Variants in PCDHGA4 observed in about 807,000 individuals in gnomAD.
PCDHGA4 encodes the protein protocadherin gamma-A4.
A neutral mutation model predicts 54.6 loss-of-function variants in PCDHGA4; 38 were observed. The observed-to-expected ratio is 0.70, with a 90% CI of 0.54 to 0.91. PCDHGA4 has a LOEUF of 0.91. Ranked by LOEUF, PCDHGA4 falls within the 40% of genes least tolerant of loss-of-function variation. The probability of loss-of-function intolerance (pLI) is 0.00; values close to 1 mark genes in which losing one functional copy is unlikely to be tolerated. For missense variants in PCDHGA4, 1,298 were observed against 1,220.9 expected (o/e 1.06, Z -0.94); for synonymous variants, 511 against 512.9 (o/e 1.00, Z 0.05).
At chr5:141,410,302 A>G (rs1332359508) in intron 1 of PCDHGA4, 1 of 1,613,356 alleles carries the variant, frequency 6.2e-7, no homozygotes, top group Non-Finnish European at 8.5e-7. Context: ...CCTTAATCTC[A>G]GTGCTCTTCC....
chr5:141,428,224 G>T, intron 1 of PCDHGA4: 1 of 1,164,316 alleles, frequency 8.6e-7, no homozygotes, highest in Non-Finnish European at 1.3e-6. Context: ...AGTCTTCGCA[G>T]ACAGCCTGCA....
At chr5:141,357,830 C>A in intron 1 of PCDHGA4, 1 of 667,688 alleles carries the variant, frequency 1.5e-6, no homozygotes, top group Non-Finnish European at 2.4e-6. Context: ...TTTTGGTCTT[C>A]ATTCAGTTGT....
intron 1 of PCDHGA4, chr5:141,478,790 C>T: frequency 6.8e-7 from 1 of 1,472,906 alleles, no homozygotes. Flanking sequence ...AATTCACATC[C>T]TCAGCACTCT....
chr5:141,478,563 C>A, intron 1 of PCDHGA4: 2 of 1,596,270 alleles, frequency 1.3e-6, no homozygotes, highest in South Asian at 1.1e-5. Context: ...TTTAGCAAGT[C>A]ATGCTTGACC....
intron 1 of PCDHGA4, chr5:141,361,370 G>T: frequency 2.5e-6 from 4 of 1,613,942 alleles, no homozygotes; most frequent in Non-Finnish European, 3.4e-6. Flanking sequence ...GCTCTGGACC[G>T]GGAGGAGATC....
intron 1 of PCDHGA4, chr5:141,479,646 A>G (rs2099501987): frequency 6.6e-6 from 1 of 152,256 alleles, no homozygotes; most frequent in Admixed American, 6.5e-5. Context: ...CAACAACAAC[A>G]ACAACAATCC....
At chr5:141,418,848 G>C (rs770294020) in intron 1 of PCDHGA4, 1 of 1,613,836 alleles carries the variant, frequency 6.2e-7, no homozygotes, top group Non-Finnish European at 8.5e-7. Flanking sequence ...CTCTCAACAC[G>C]GTGTAAAGTA....
At chr5:141,394,552 G>C (rs368792885) in intron 1 of PCDHGA4, 1 of 1,614,070 alleles carries the variant, frequency 6.2e-7, no homozygotes, top group Non-Finnish European at 8.5e-7. Flanking sequence ...CTGGCGCCCC[G>C]CTCCGCAGAG....
intron 1 of PCDHGA4, chr5:141,420,146 C>G (rs372634787): frequency 1.9e-6 from 3 of 1,613,962 alleles, no homozygotes; most frequent in Non-Finnish European, 2.5e-6. Flanking sequence ...TCAAATGAAT[C>G]CAGAATTTAA....
rs138087785 is a variant in PCDHGA4, at chr5:141,383,992, G to T, written c.2514+26371G>T. 9.8e-5 allele frequency: 158 copies of T among 1,613,878 alleles called. No homozygotes were observed. The East Asian group carries it at 3.5e-3, about 35-fold the overall frequency. On this transcript the variant is annotated intron_variant, in intron 1 of 3. Coordinates refer to ENST00000571252, the MANE Select transcript of PCDHGA4 (RefSeq NM_018917.4). Reference sequence around the variant, plus strand: ...CCCTGAAGACACACCTCTTGGGACAGTCATTGCTCTTTTCTACCTACAAGA... The same window carrying T: ...CCCTGAAGACACACCTCTTGGGACATTCATTGCTCTTTTCTACCTACAAGA...
chr5:141,374,438 G>T (rs760020224), intron 1 of PCDHGA4: 3 of 1,613,736 alleles, frequency 1.9e-6, no homozygotes, highest in Non-Finnish European at 2.5e-6. Flanking sequence ...TCTTTATCCC[G>T]TGGAAGTGGA....
intron 1 of PCDHGA4, chr5:141,361,024 A>G: frequency 6.2e-7 from 1 of 1,613,350 alleles, no homozygotes; most frequent in Non-Finnish European, 8.5e-7. Context: ...CTTAAATGAA[A>G]AAACAGGAGA....
Position 141,490,483 on chromosome 5 carries a change from G to A in PCDHGA4, c.2515-4324G>A. On this transcript the variant is annotated intron_variant, in intron 1 of 3. Transcript: ENST00000571252. The surrounding 1 kb of genome is among the most constrained non-coding windows in gnomAD (Gnocchi z 5.4). ...GCTAACCAGCCAGCCTTTGGACCGG[G>A]AGGCCACATCCCACTATATCATCGA... 2.5e-6 allele frequency: 4 copies of A among 1,614,198 alleles called. No individual in the cohort carries two copies. Among genetic ancestry groups the A allele is most frequent in the Non-Finnish European group, 3.4e-6 (4 of 1,180,046 alleles).
At chr5:141,398,895 A>G (rs2093721929) in intron 1 of PCDHGA4, 3 of 1,613,988 alleles carry the variant, frequency 1.9e-6, no homozygotes, top group African/African-American at 1.3e-5. Flanking sequence ...AAAACGTGCC[A>G]CCAGGCACCA....
At chr5:141,390,526 T>A (rs1405081511) in intron 1 of PCDHGA4, 1 of 548,156 alleles carries the variant, frequency 1.8e-6, no homozygotes, top group African/African-American at 1.9e-5. Flanking sequence ...AATGAGGGTG[T>A]GGTTTTAACC....
At chr5:141,409,752 A>T in intron 1 of PCDHGA4, 3 of 1,613,020 alleles carry the variant, frequency 1.9e-6, no homozygotes, top group Non-Finnish European at 2.5e-6. Context: ...GTGTTCGCGC[A>T]GCGCGCCTTT....
At chr5:141,488,021 C>A (rs570700985) in intron 1 of PCDHGA4, among the ~76,000 whole-genome samples, 1 of 152,244 alleles carries the variant, frequency 6.6e-6, no homozygotes, top group East Asian at 1.9e-4. Flanking sequence ...TACCTTAACT[C>A]TAGGTTACCA....
intron 1 of PCDHGA4, among the ~76,000 whole-genome samples, chr5:141,474,061 T>A (rs2099339173): frequency 1.3e-5 from 2 of 152,058 alleles, no homozygotes; most frequent in Admixed American, 6.6e-5. Flanking sequence ...CAGAGCGAGA[T>A]CCTGCCTCAG....
At chr5:141,497,733 T>G (rs2099779006) in intron 2 of PCDHGA4, among the ~76,000 whole-genome samples, 2 of 152,078 alleles carry the variant, frequency 1.3e-5, no homozygotes, top group Non-Finnish European at 2.9e-5. Context: ...AGAGATGGGT[T>G]TCGCCACGTT....
Sources: allele counts gnomAD v4.1 joint callset (sites outside exome capture counted in the v4.1 genomes callset), GRCh38; gene constraint gnomAD v4.1.1; non-coding constraint Gnocchi (gnomAD v3.1); transcripts MANE v1.5; gene names NCBI Gene and HGNC (gene_info 2026-07-23, HGNC 2026-07-21).